Variants in PABPC4L observed in about 807,000 individuals in gnomAD.
The protein encoded by PABPC4L is polyadenylate-binding protein 4-like.
For missense variants in PABPC4L, 452 were observed against 451.4 expected, an observed-to-expected ratio of 1.00 and a Z score of -0.01; for synonymous variants, 169 against 164.1, an observed-to-expected ratio of 1.03 and a Z score of -0.23.
chr4:133,962,922 A>T, the PABPC4L span, among the ~76,000 whole-genome samples: 1,540 of 152,258 alleles, frequency 0.01, 27 homozygotes, highest in African/African-American at 0.036. Flanking sequence ...AATACACAGG[A>T]TCTATAAAAC....
At chr4:134,146,608 T>A in the PABPC4L span, among the ~76,000 whole-genome samples, 4 of 152,028 alleles carry the variant, frequency 2.6e-5, no homozygotes, top group Non-Finnish European at 4.4e-5. Flanking sequence ...CTAAGAGGAA[T>A]AAGGTACATG....
At chr4:133,971,491 C>G in the PABPC4L span, among the ~76,000 whole-genome samples, 2 of 152,098 alleles carry the variant, frequency 1.3e-5, no homozygotes, top group African/African-American at 4.8e-5. Context: ...CCACATTGGC[C>G]CAGGAGCCAG....
chr4:134,131,806 C>A, the PABPC4L span, among the ~76,000 whole-genome samples: 1 of 137,876 alleles, frequency 7.3e-6, no homozygotes, highest in Non-Finnish European at 1.5e-5. Flanking sequence ...TATTACTCAA[C>A]TTCACACTTT....
chr4:134,200,979 A>T lies in PABPC4L; in HGVS notation c.41T>A (p.Val14Glu). 6.4e-7 allele frequency: 1 copy of T among 1,552,930 alleles called. No individual in the cohort carries two copies. The highest frequency in any genetic ancestry group is 8.7e-7 in the Non-Finnish European group (1 of 1,147,652). The change falls in exon 2 of 2, where the codon GTG becomes GAG. Residue 14 changes from valine to glutamate, a missense_variant. Physicochemically the swap from Val to Glu is moderately radical, Grantham distance 121 (BLOSUM62 -2). Coordinates refer to ENST00000421491, the MANE Select transcript of PABPC4L (RefSeq NM_001114734.2). ...AAKYRMASLY[V>E]GDLHADVTED... ...GGTGACATCTGCATGTAAGTCACCC[A>T]CATACAGGGAGGCCATGCGGTACTT... is the stretch of plus-strand genomic sequence containing the variant.
At chr4:134,078,222 T>G in the PABPC4L span, among the ~76,000 whole-genome samples, 2 of 152,200 alleles carry the variant, frequency 1.3e-5, no homozygotes, top group African/African-American at 4.8e-5. Context: ...CCCATGTTCA[T>G]GCATTCTACT....
At chr4:134,012,422 A>C in the PABPC4L span, among the ~76,000 whole-genome samples, 85 of 152,122 alleles carry the variant, frequency 5.6e-4, 1 homozygote, top group Admixed American at 3.6e-3. Context: ...ACCTTGTGAC[A>C]CCCACTCCTG....
chr4:133,950,300 G>A, the PABPC4L span, among the ~76,000 whole-genome samples: 1 of 151,962 alleles, frequency 6.6e-6, no homozygotes, highest in African/African-American at 2.4e-5. Flanking sequence ...TATTACTAGT[G>A]GATACTTTAG....
At chr4:134,158,380 T>A in the PABPC4L span, among the ~76,000 whole-genome samples, 1 of 152,054 alleles carries the variant, frequency 6.6e-6, no homozygotes, top group South Asian at 2.1e-4. Context: ...TAAGCTCAAT[T>A]GTTTTTATAT....
the PABPC4L span, among the ~76,000 whole-genome samples, chr4:134,180,184 AC>A: frequency 6.6e-6 from 1 of 152,222 alleles, no homozygotes; most frequent in South Asian, 2.1e-4. Context: ...ACAAAATCAT[AC>A]CAACCAGGAT....
the PABPC4L span, among the ~76,000 whole-genome samples, chr4:134,180,227 A>G: frequency 6.6e-6 from 1 of 152,124 alleles, no homozygotes; most frequent in African/African-American, 2.4e-5. Context: ...ATAGAAATCA[A>G]TGCTAAGAAA....
At chr4:134,143,694 G>A in the PABPC4L span, among the ~76,000 whole-genome samples, 6 of 151,218 alleles carry the variant, frequency 4.0e-5, 1 homozygote, top group South Asian at 2.1e-4. Flanking sequence ...GCCAATTAGA[G>A]TTTATAAGAA....
chr4:134,194,944 G>A (rs1729615117), downstream of PABPC4L, among the ~76,000 whole-genome samples: 1 of 151,616 alleles, frequency 6.6e-6, no homozygotes, highest in South Asian at 2.1e-4. Flanking sequence ...AGAATGATAT[G>A]ATCAAATAGG....
the PABPC4L span, among the ~76,000 whole-genome samples, chr4:134,180,001 T>C: frequency 6.6e-6 from 1 of 152,074 alleles, no homozygotes; most frequent in Non-Finnish European, 1.5e-5. Flanking sequence ...GGCAGAAAAC[T>C]AACAAAGGTA....
the PABPC4L span, among the ~76,000 whole-genome samples, chr4:134,068,923 T>TGA: frequency 5.3e-5 from 8 of 152,076 alleles, no homozygotes; most frequent in Non-Finnish European, 1.0e-4. Flanking sequence ...TTGGCCAGGC[T>TGA]GGTCTCGAAC....
At chr4:134,123,998 C>T in the PABPC4L span, among the ~76,000 whole-genome samples, 1 of 151,946 alleles carries the variant, frequency 6.6e-6, no homozygotes, top group African/African-American at 2.4e-5. Context: ...CAAGGTTTGA[C>T]CTTATGTTAG....
At chr4:134,107,997 A>C in the PABPC4L span, among the ~76,000 whole-genome samples, 1 of 151,594 alleles carries the variant, frequency 6.6e-6, no homozygotes, top group African/African-American at 2.4e-5. Flanking sequence ...CTTAAGAGAC[A>C]AATTTAGATG....
chr4:134,141,500 A>T, the PABPC4L span, among the ~76,000 whole-genome samples: 1 of 149,752 alleles, frequency 6.7e-6, no homozygotes, highest in African/African-American at 2.4e-5. Flanking sequence ...TTATATTATA[A>T]CTATTATATG....
the PABPC4L span, among the ~76,000 whole-genome samples, chr4:134,051,314 C>G: frequency 6.6e-6 from 1 of 152,074 alleles, no homozygotes; most frequent in Non-Finnish European, 1.5e-5. Context: ...AAACTTAGGC[C>G]ATAACTGTTT....
chr4:134,148,871 T>C, the PABPC4L span, among the ~76,000 whole-genome samples: 3 of 151,960 alleles, frequency 2.0e-5, no homozygotes, highest in African/African-American at 7.2e-5. Flanking sequence ...TTTTTTTTGG[T>C]AGTATCTTCA....
Sources: gnomAD v4.1 joint callset for allele counts (sites outside exome capture counted in the v4.1 genomes callset) on GRCh38, gnomAD v4.1.1 for gene constraint, MANE v1.5 for transcripts, NCBI Gene and HGNC (gene_info 2026-07-23, HGNC 2026-07-21) for gene names.